Variants in PLA2G4E observed in about 807,000 individuals in gnomAD.
PLA2G4E encodes cytosolic phospholipase A2 epsilon.
PLA2G4E carries 84 observed loss-of-function variants against 109.1 expected under a neutral mutation model. The observed-to-expected ratio is 0.77, with a 90% CI of 0.65 to 0.92. The LOEUF (loss-of-function observed/expected upper bound fraction) is 0.92. Ranked by LOEUF, PLA2G4E falls within the 40% of genes least tolerant of loss-of-function variation. The pLI is 0.00. For synonymous variants in PLA2G4E, 469 were observed against 436.1 expected, an observed-to-expected ratio of 1.08 and a Z score of -0.94; for missense variants, 1,057 against 1,076.6, an observed-to-expected ratio of 0.98 and a Z score of 0.25.
intron 1 of PLA2G4E, among the ~76,000 whole-genome samples, chr15:42,024,437 G>C (rs941854079): frequency 2.0e-5 from 3 of 152,208 alleles, no homozygotes; most frequent in Non-Finnish European, 2.9e-5. Context: ...TGTGTGCGCT[G>C]AGGCCTCCGA....
In PLA2G4E at chr15:42,020,919, A is replaced by G. The variant is rs1320490718; in HGVS notation, c.184-7162T>C. ...CCTCAGCCTCTGGCCCCAGCCACTG[A>G]GCACCCCTCCCTCACCTTCAAGGCA... On this transcript the variant is annotated intron_variant, in intron 1 of 19. Coordinates refer to ENST00000399518, the Ensembl canonical transcript of PLA2G4E. 1.3e-5 allele frequency among the ~76,000 whole-genome samples: 2 copies of G among 151,800 alleles called. No homozygotes were observed. Among genetic ancestry groups the G allele is most frequent in the Non-Finnish European group, 2.9e-5 (2 of 67,930 alleles).
chr15:42,028,394 TATTTATTTATTTATTTA>T (rs1889055421), intron 1 of PLA2G4E, among the ~76,000 whole-genome samples: 1 of 150,362 alleles, frequency 6.7e-6, no homozygotes, highest in Non-Finnish European at 1.5e-5. Flanking sequence ...CTTATTTATT[TATTTATTTATTTATTTA>T]TTTATTATTT....
intron 17 of PLA2G4E, among the ~76,000 whole-genome samples, chr15:41,986,693 A>T (rs2068147437): frequency 1.3e-5 from 2 of 150,962 alleles, no homozygotes; most frequent in Non-Finnish European, 3.0e-5. Context: ...ATTAAAAACA[A>T]TTTTTTTTTA....
intron 1 of PLA2G4E, among the ~76,000 whole-genome samples, chr15:42,025,161 A>C (rs1010529253): frequency 2.7e-5 from 4 of 150,500 alleles, no homozygotes; most frequent in African/African-American, 7.4e-5. Context: ...GCACCACTGC[A>C]CTCCAGCCTG....
chr15:41,997,341 A>C, intron 10 of PLA2G4E, 82 bp from the exon 11 acceptor site: 1 of 1,377,800 alleles, frequency 7.3e-7, no homozygotes. Context: ...CATTGGACCT[A>C]GGCTCAAAGC....
intron 18 of PLA2G4E, among the ~76,000 whole-genome samples, chr15:41,985,300 T>G (rs1460165187): frequency 1.3e-5 from 2 of 152,198 alleles, no homozygotes; most frequent in Non-Finnish European, 2.9e-5. Context: ...CTGTGTACAC[T>G]TCACTTCGCC....
chr15:42,020,185 C>T (rs1345499416), intron 1 of PLA2G4E, among the ~76,000 whole-genome samples: 6 of 152,242 alleles, frequency 3.9e-5, no homozygotes, highest in Non-Finnish European at 7.3e-5. Flanking sequence ...GGGCAAAGTA[C>T]TTTCAGGGCA....
chr15:42,006,012 A>C, exon 4 of PLA2G4E: 1 of 1,613,960 alleles, frequency 6.2e-7, no homozygotes, highest in Non-Finnish European at 8.5e-7. Context: ...TGGAAACTTC[A>C]CGTGGGTTTT....
At chr15:42,035,790 T>G (rs1889202284) in intron 1 of PLA2G4E, among the ~76,000 whole-genome samples, 1 of 152,200 alleles carries the variant, frequency 6.6e-6, no homozygotes, top group Non-Finnish European at 1.5e-5. Context: ...GTATCCATTT[T>G]ATTATTCTCT....
At chr15:41,997,367 A>G in intron 10 of PLA2G4E, 108 bp from the exon 11 acceptor site, 2 of 1,288,792 alleles carry the variant, frequency 1.6e-6, no homozygotes, top group Non-Finnish European at 2.0e-6. Flanking sequence ...TCTGCCAGCG[A>G]CCACTTCTGT....
chr15:42,011,604 C>T (rs970685396), intron 2 of PLA2G4E, among the ~76,000 whole-genome samples: 1 of 152,010 alleles, frequency 6.6e-6, no homozygotes, highest in Non-Finnish European at 1.5e-5. Context: ...GTGGCCCATG[C>T]CTGTAGTCCC....
chr15:42,008,757 C>G (rs1380219642), intron 2 of PLA2G4E, among the ~76,000 whole-genome samples: 1 of 152,140 alleles, frequency 6.6e-6, no homozygotes, highest in East Asian at 1.9e-4. Context: ...ACTCTCCTGG[C>G]AGTTGGTGAG....
At chr15:42,007,518 G>T (rs1327882726) in intron 3 of PLA2G4E, among the ~76,000 whole-genome samples, 1 of 152,134 alleles carries the variant, frequency 6.6e-6, no homozygotes, top group Non-Finnish European at 1.5e-5. Flanking sequence ...AGGAGAAAAA[G>T]CTAGAAAGAG....
chr15:42,013,809 ATTG>A, intron 1 of PLA2G4E, 52 bp from the exon 2 acceptor site: 2 of 1,474,318 alleles, frequency 1.4e-6, no homozygotes, highest in Non-Finnish European at 1.8e-6. Flanking sequence ...CTCCAAGGCC[ATTG>A]CCCCGGGGGA....
intron 1 of PLA2G4E, among the ~76,000 whole-genome samples, chr15:42,038,981 T>C (rs1024695887): frequency 6.6e-6 from 1 of 152,178 alleles, no homozygotes; most frequent in Non-Finnish European, 1.5e-5. Flanking sequence ...TATAAAATGG[T>C]ATCTCATTGT....
At chr15:42,005,683 C>T (rs1346040466) in intron 4 of PLA2G4E, among the ~76,000 whole-genome samples, 2 of 152,250 alleles carry the variant, frequency 1.3e-5, no homozygotes, top group African/African-American at 2.4e-5. Context: ...AGACTTACTA[C>T]CTCTCCATTG....
chr15:42,020,753 C>T (rs182762956), intron 1 of PLA2G4E, among the ~76,000 whole-genome samples, 182 bp downstream of exon 1: 4 of 152,162 alleles, frequency 2.6e-5, no homozygotes, highest in Non-Finnish European at 5.9e-5. Flanking sequence ...CTGGGATAAA[C>T]CACCTCCCCC....
At chr15:42,020,622 G>A (rs1346029897) in intron 1 of PLA2G4E, among the ~76,000 whole-genome samples, 2 of 109,960 alleles carry the variant, frequency 1.8e-5, no homozygotes, top group Non-Finnish European at 4.4e-5. Context: ...GGATCCCCCT[G>A]GCATACTCTC....
At chr15:41,985,843 G>A (rs371172557) in exon 18 of PLA2G4E, 1 of 1,609,918 alleles carries the variant, frequency 6.2e-7, no homozygotes, top group South Asian at 1.1e-5. Context: ...ACTTGCCTTT[G>A]TCTGGGACCC....
Sources: gnomAD v4.1 joint callset for allele counts (sites outside exome capture counted in the v4.1 genomes callset) on GRCh38, gnomAD v4.1.1 for gene constraint, MANE v1.5 for transcripts, NCBI Gene and HGNC (gene_info 2026-07-23, HGNC 2026-07-21) for gene names.